Variants in DSCAM observed in about 807,000 individuals in gnomAD.
DSCAM encodes DS cell adhesion molecule.
Under a neutral mutation model 217.7 loss-of-function variants are expected in DSCAM, and 47 were observed. The observed-to-expected ratio is 0.22, with a 90% confidence interval of 0.17 to 0.28. DSCAM has a LOEUF of 0.28. DSCAM is among the 10% of genes least tolerant of loss of function. The pLI is 1.00. For synonymous variants in DSCAM, 1,056 were observed against 1,015.3 expected (o/e 1.04, Z -0.76); for missense variants, 2,080 against 2,618.3 (o/e 0.79, Z 4.49).
chr21:40,776,721 A>G (rs974868132), intron 1 of DSCAM, among the ~76,000 whole-genome samples: 1 of 152,212 alleles, frequency 6.6e-6, no homozygotes, highest in African/African-American at 2.4e-5. Flanking sequence ...TTGGGGACCA[A>G]CGTAAGGATC....
At chr21:40,117,609 T>C (rs2089985902) in intron 20 of DSCAM, among the ~76,000 whole-genome samples, 1 of 152,156 alleles carries the variant, frequency 6.6e-6, no homozygotes, top group Non-Finnish European at 1.5e-5. Flanking sequence ...ATAGGAGGAA[T>C]TTAATGGAAC....
chr21:40,281,896 A>C (rs927504763), intron 10 of DSCAM, among the ~76,000 whole-genome samples: 1 of 152,166 alleles, frequency 6.6e-6, no homozygotes, highest in Non-Finnish European at 1.5e-5. Flanking sequence ...GTTTCTATGT[A>C]ATTATTTTAC....
intron 3 of DSCAM, among the ~76,000 whole-genome samples, chr21:40,683,064 C>T (rs1038725862): frequency 1.3e-5 from 2 of 152,162 alleles, no homozygotes; most frequent in African/African-American, 2.4e-5. Context: ...AGGATGAGGC[C>T]CCCATCAGAA....
At chr21:40,584,610 G>T (rs942552194) in intron 3 of DSCAM, among the ~76,000 whole-genome samples, 2 of 152,120 alleles carry the variant, frequency 1.3e-5, no homozygotes, top group Admixed American at 6.5e-5. Context: ...CCTCAAAGAA[G>T]CAGCAGGGAC....
intron 15 of DSCAM, among the ~76,000 whole-genome samples, chr21:40,168,272 A>G (rs1180155639): frequency 6.6e-6 from 1 of 152,224 alleles, no homozygotes; most frequent in Non-Finnish European, 1.5e-5. Flanking sequence ...GGAGCCAATG[A>G]GAGACAATTC....
intron 3 of DSCAM, among the ~76,000 whole-genome samples, chr21:40,623,231 C>T (rs2089546882): frequency 1.5e-5 from 1 of 68,560 alleles, no homozygotes; most frequent in African/African-American, 7.0e-5. Flanking sequence ...TATTTTGAAG[C>T]TATTCAGAAA....
At chr21:40,201,809 A>G (rs931306674) in intron 11 of DSCAM, among the ~76,000 whole-genome samples, 1 of 152,234 alleles carries the variant, frequency 6.6e-6, no homozygotes, top group African/African-American at 2.4e-5. Flanking sequence ...GCCATCAATG[A>G]TAGTAAAAAA....
intron 1 of DSCAM, among the ~76,000 whole-genome samples, chr21:40,841,164 A>T (rs1272947922): frequency 1.3e-5 from 2 of 152,196 alleles, no homozygotes; most frequent in Non-Finnish European, 2.9e-5. Flanking sequence ...TTTCAGGAGC[A>T]GATTTGTGAA....
chr21:40,467,590 CT>C (rs917711905), intron 3 of DSCAM, among the ~76,000 whole-genome samples: 1 of 152,042 alleles, frequency 6.6e-6, no homozygotes, highest in Non-Finnish European at 1.5e-5. Flanking sequence ...AGAATCAACA[CT>C]TTTATACATA....
At chr21:40,418,982 C>A (rs1024260553) in intron 3 of DSCAM, among the ~76,000 whole-genome samples, 49 of 152,026 alleles carry the variant, frequency 3.2e-4, no homozygotes, top group African/African-American at 1.2e-3. Context: ...AAATATATAT[C>A]TATTTTGAGA....
intron 24 of DSCAM, among the ~76,000 whole-genome samples, chr21:40,081,577 G>A (rs2089459038): frequency 2.6e-5 from 4 of 151,990 alleles, no homozygotes; most frequent in Admixed American, 2.6e-4. Flanking sequence ...TGATACCTGT[G>A]CACCTGCTCC....
chr21:40,330,541 G>C (rs1291998737), intron 8 of DSCAM, among the ~76,000 whole-genome samples: 1 of 151,794 alleles, frequency 6.6e-6, no homozygotes, highest in Non-Finnish European at 1.5e-5. Flanking sequence ...AAAGAAAGGT[G>C]TCTGCTTCGA....
At position 40,512,010 on chromosome 21, in the gene DSCAM, A is replaced by AAAAT. The variant is rs61560593; in HGVS notation, c.509-142766_509-142765insATTT. Among the ~76,000 whole-genome samples, 8 of 106,418 alleles carry AAAAT rather than the reference A, an allele frequency of 7.5e-5. 1 individual carries two copies. The highest frequency in any genetic ancestry group is 3.0e-4 in the South Asian group (1 of 3,316). The allele number at this position is 106,418 out of a possible 152,430, so 69.8% of individuals were successfully genotyped here. On this transcript the variant is annotated intron_variant, in intron 3 of 32. Coordinates refer to ENST00000400454, the MANE Select transcript of DSCAM (RefSeq NM_001389.5). The stretch of plus-strand genomic sequence containing the variant: ...TGTCTCAAAAAAAAAAAAAAAAAAA[A>AAAAT]GTATTCTATTTGAGGTCTTGCTTTT...
chr21:40,674,636 T>TTC (rs1339983875), intron 3 of DSCAM, among the ~76,000 whole-genome samples: 196 of 144,568 alleles, frequency 1.4e-3, no homozygotes, highest in African/African-American at 4.8e-3. Context: ...CTTTTTCTTT[T>TTC]TTTTTTTTTT....
chr21:40,689,198 A>C (rs1205829988), intron 3 of DSCAM, among the ~76,000 whole-genome samples: 1 of 152,356 alleles, frequency 6.6e-6, no homozygotes, highest in South Asian at 2.1e-4. Flanking sequence ...AAATACACAA[A>C]CATCTTTAAT....
At chr21:40,117,698 G>A (rs556533089) in intron 20 of DSCAM, among the ~76,000 whole-genome samples, 21 of 152,274 alleles carry the variant, frequency 1.4e-4, no homozygotes, top group East Asian at 9.6e-4. Context: ...AGGGCATCAC[G>A]TGTAGTAAAT....
chr21:40,467,944 A>AC, intron 3 of DSCAM, among the ~76,000 whole-genome samples: 2 of 151,406 alleles, frequency 1.3e-5, no homozygotes, highest in African/African-American at 4.8e-5. Context: ...AAAAAAAAAA[A>AC]AAAAAAACTA....
chr21:40,136,406 A>G (rs939327386), intron 18 of DSCAM, among the ~76,000 whole-genome samples: 3 of 152,178 alleles, frequency 2.0e-5, no homozygotes, highest in Non-Finnish European at 4.4e-5. Context: ...GGTGGAGCCC[A>G]GGAACTGGAG....
In DSCAM at chr21:40,187,392, C is replaced by T. The variant is rs985981278; in HGVS notation, c.2651-133G>A. On this transcript the variant is annotated intron_variant, in intron 13 of 32. Transcript: ENST00000400454. Reference sequence around the variant, plus strand: ...AGAACAGAAGCTTTTTATTTGGAAGCATTTTCTTTTTCCTAATCACATTTT... The same window carrying T: ...AGAACAGAAGCTTTTTATTTGGAAGTATTTTCTTTTTCCTAATCACATTTT... 6.5e-6 allele frequency: 8 copies of T among 1,224,184 alleles called. No individual in the cohort carries two copies. In the East Asian group the frequency reaches 1.9e-4, roughly 28 times the overall value. The allele number at this position is 1,224,184 out of a possible 1,614,324, so 75.8% of individuals were successfully genotyped here. A position where few individuals can be genotyped will look rare whatever the true frequency, so the allele number is the denominator to read the frequency against.
Sources: gnomAD v4.1 joint callset for allele counts (sites outside exome capture counted in the v4.1 genomes callset) on GRCh38, gnomAD v4.1.1 for gene constraint, MANE v1.5 for transcripts, NCBI Gene and HGNC (gene_info 2026-07-23, HGNC 2026-07-21) for gene names.